The following AUTS2 variants were observed in gnomAD, a reference collection of about 807,000 sequenced individuals.
AUTS2 encodes the protein activator of transcription and developmental regulator AUTS2.
A neutral mutation model predicts 112.4 loss-of-function variants in AUTS2; 17 were observed. The ratio of observed to expected loss-of-function variants is 0.15; its 90% confidence interval spans 0.10 to 0.23. AUTS2 has a LOEUF of 0.23. Ranked by LOEUF, AUTS2 falls within the 10% of genes least tolerant of loss-of-function variation. The probability of loss-of-function intolerance (pLI) is 1.00; values close to 1 mark genes in which losing one functional copy is unlikely to be tolerated. For missense variants in AUTS2, 1,510 were observed against 1,701.6 expected (o/e 0.89, Z 1.98); for synonymous variants, 751 against 702.7 (o/e 1.07, Z -1.09).
chr7:70,112,263 T>C (rs761159989), intron 2 of AUTS2, among the ~76,000 whole-genome samples: 27 of 151,984 alleles, frequency 1.8e-4, no homozygotes, highest in Admixed American at 6.5e-4. Flanking sequence ...AAAAAAATTC[T>C]TTAGGTGATA....
intron 5 of AUTS2, among the ~76,000 whole-genome samples, chr7:70,491,437 CAT>C (rs1491471927): frequency 2.7e-5 from 3 of 110,050 alleles, no homozygotes; most frequent in African/African-American, 4.2e-5. Context: ...CACACACACA[CAT>C]ATATACACAT....
intron 5 of AUTS2, among the ~76,000 whole-genome samples, chr7:70,587,361 G>A (rs1338876146): frequency 3.3e-5 from 5 of 152,160 alleles, no homozygotes; most frequent in Non-Finnish European, 4.4e-5. Context: ...ACAGGCATGA[G>A]CCACCACACC....
At chr7:70,133,774 T>G (rs1055509073) in intron 3 of AUTS2, among the ~76,000 whole-genome samples, 5 of 152,162 alleles carry the variant, frequency 3.3e-5, no homozygotes, top group African/African-American at 7.2e-5. Flanking sequence ...TCAGGCAAGT[T>G]TAAAATACAT....
intron 3 of AUTS2, among the ~76,000 whole-genome samples, chr7:70,127,807 C>T (rs1806057325): frequency 1.3e-5 from 2 of 152,060 alleles, no homozygotes; most frequent in Non-Finnish European, 2.9e-5. Context: ...TTTTGAGATA[C>T]CCCTTCTCCT....
chr7:69,813,207 T>G (rs893238010), intron 1 of AUTS2, among the ~76,000 whole-genome samples: 4 of 152,134 alleles, frequency 2.6e-5, no homozygotes, highest in Non-Finnish European at 5.9e-5. Context: ...GCATTATTGT[T>G]CTCTTAGCCT....
chr7:69,856,447 T>G (rs560733597), intron 1 of AUTS2, among the ~76,000 whole-genome samples: 2 of 152,212 alleles, frequency 1.3e-5, no homozygotes, highest in Non-Finnish European at 2.9e-5. Flanking sequence ...CCTGAACTGG[T>G]AATCTCAGTT....
intron 1 of AUTS2, among the ~76,000 whole-genome samples, chr7:69,867,508 G>C (rs145121034): frequency 6.6e-6 from 1 of 152,118 alleles, no homozygotes; most frequent in Non-Finnish European, 1.5e-5. Context: ...AAATATGGTC[G>C]TGAATATTTT....
rs534337015 is a variant in AUTS2 at position 70,237,680 on chromosome 7, T to C, written c.660+103109T>C. ...CCCTCTTTGTGAAATTCCCGTCAAA[T>C]GTATTAATTCAACATGATGAATCCT... On this transcript the variant is annotated intron_variant, in intron 4 of 18. Transcript: ENST00000342771. 5.9e-5 allele frequency among the ~76,000 whole-genome samples: 9 copies of C among 152,302 alleles called. No homozygotes were observed. In the East Asian group the frequency reaches 1.7e-3, roughly 29 times the overall value.
chr7:70,441,425 G>A lies in AUTS2; in HGVS notation c.690+5644G>A, dbSNP rs150667743. On this transcript the variant is annotated intron_variant, in intron 5 of 18. Coordinates refer to ENST00000342771, the MANE Select transcript of AUTS2 (RefSeq NM_015570.4). ...TTTAGAGACAGGGTCTCGCTCTGTT[G>A]CCCAGGCTGGAGTACAATGGCATAA... is the stretch of plus-strand genomic sequence containing the variant. Among the ~76,000 whole-genome samples the A allele has an allele frequency of 2.6e-3, 403 of 152,160 alleles. 4 individuals carry two copies. The highest frequency in any genetic ancestry group is 8.8e-3 in the African/African-American group (366 of 41,504).
chr7:69,778,222 A>T (rs1470576456), intron 1 of AUTS2, among the ~76,000 whole-genome samples: 2 of 129,602 alleles, frequency 1.5e-5, no homozygotes, highest in Non-Finnish European at 3.2e-5. Flanking sequence ...ACAGGGCCTT[A>T]TCCCCATATA....
intron 2 of AUTS2, among the ~76,000 whole-genome samples, chr7:70,068,612 T>G (rs1320040591): frequency 1.3e-5 from 2 of 152,240 alleles, no homozygotes; most frequent in African/African-American, 2.4e-5. Flanking sequence ...ACAGTCATAG[T>G]GGCAGTGACT....
intron 1 of AUTS2, among the ~76,000 whole-genome samples, chr7:69,821,760 C>T (rs1395644454): frequency 6.6e-6 from 1 of 151,784 alleles, no homozygotes; most frequent in Non-Finnish European, 1.5e-5. Flanking sequence ...GTCAGTGAGA[C>T]CAAGAACCCA....
chr7:69,778,923 A>T (rs2129310295), intron 1 of AUTS2, among the ~76,000 whole-genome samples: 1 of 152,042 alleles, frequency 6.6e-6, no homozygotes, highest in Non-Finnish European at 1.5e-5. Context: ...GTGGTTGTGG[A>T]CTGTGCAATA....
chr7:70,667,032 C>G (rs1027271505), intron 5 of AUTS2, among the ~76,000 whole-genome samples: 1 of 151,578 alleles, frequency 6.6e-6, no homozygotes, highest in Non-Finnish European at 1.5e-5. Flanking sequence ...CCACAACACA[C>G]CTTGTACTAA....
chr7:69,875,661 A>G (rs920874274), intron 1 of AUTS2, among the ~76,000 whole-genome samples: 2 of 152,184 alleles, frequency 1.3e-5, no homozygotes, highest in Non-Finnish European at 2.9e-5. Context: ...CTATAGATTT[A>G]TTTTAGTATC....
In AUTS2 at chr7:70,738,421, T is replaced by TTG. The variant is rs1554474319; in HGVS notation, c.743-24448_743-24447insGT. On this transcript the variant is annotated intron_variant, in intron 6 of 18. Coordinates refer to ENST00000342771, the MANE Select transcript of AUTS2 (RefSeq NM_015570.4). Reference sequence around the variant, plus strand: ...AAAAAGTTGGAACAAGTTTTTTGTTTTTTTTTTTTTTACTTTTTGGACATA... The same window carrying TTG: ...AAAAAGTTGGAACAAGTTTTTTGTTTTGTTTTTTTTTTTACTTTTTGGACATA... 2.0e-4 allele frequency among the ~76,000 whole-genome samples: 30 copies of TTG among 151,394 alleles called. 1 individual carries two copies. Among genetic ancestry groups the TTG allele is most frequent in the African/African-American group, 7.0e-4 (29 of 41,204 alleles).
intron 1 of AUTS2, among the ~76,000 whole-genome samples, chr7:69,624,347 TAA>T (rs899697133): frequency 2.0e-5 from 3 of 152,236 alleles, no homozygotes; most frequent in South Asian, 2.1e-4. Flanking sequence ...TAGTTTTTTT[TAA>T]AAAAAGTTCC....
intron 1 of AUTS2, among the ~76,000 whole-genome samples, chr7:69,897,941 C>T (rs896987561): frequency 4.0e-5 from 6 of 151,710 alleles, no homozygotes; most frequent in Non-Finnish European, 7.4e-5. Context: ...GGAAAGAGAG[C>T]GGTATTTTAA....
chr7:70,744,777 T>C (rs1244138737), intron 6 of AUTS2, among the ~76,000 whole-genome samples: 3 of 152,164 alleles, frequency 2.0e-5, no homozygotes, highest in African/African-American at 7.2e-5. Context: ...TGAGCCCCCC[T>C]TGGCAGCCAT....
Sources: allele counts gnomAD v4.1 joint callset (sites outside exome capture counted in the v4.1 genomes callset), GRCh38; gene constraint gnomAD v4.1.1; transcripts MANE v1.5; gene names NCBI Gene and HGNC (gene_info 2026-07-23, HGNC 2026-07-21).